The following ASCC2 variants were observed in gnomAD, a reference collection of about 807,000 sequenced individuals.
ASCC2 encodes ASC-1 complex subunit P100.
A neutral mutation model predicts 93.5 loss-of-function variants in ASCC2; 42 were observed. That is an observed-to-expected ratio of 0.45 (90% CI 0.35 to 0.58). The LOEUF (loss-of-function observed/expected upper bound fraction) is 0.58, where lower values mean the gene tolerates loss of function less well. Ranked by LOEUF, ASCC2 falls within the 20% of genes least tolerant of loss-of-function variation. The probability of loss-of-function intolerance (pLI) is 0.00; values close to 1 mark genes in which losing one functional copy is unlikely to be tolerated. For synonymous variants in ASCC2, 364 were observed against 384.2 expected (o/e 0.95, Z 0.62); for missense variants, 859 against 977.6 (o/e 0.88, Z 1.62).
At position 29,801,091 on chromosome 22, in the gene ASCC2, T is replaced by C; in HGVS notation, c.1588A>G (p.Thr530Ala). The change falls in exon 15 of 20, where the codon ACA (threonine) becomes GCA (alanine). Residue 530 changes from threonine to alanine, a missense_variant. Transcript: ENST00000307790. ...TTGTGGCGAGACGTCAGCAGGGGTG[T>C]AGGGTCTGGTTTCATTTCTCTGGGT... ...NLDREMKPDP[T>A]PLLTSRHNVF... 6.2e-6 allele frequency: 10 copies of C among 1,603,898 alleles called. No individual in the cohort carries two copies. The highest frequency in any genetic ancestry group is 8.5e-6 in the Non-Finnish European group (10 of 1,171,604).
At chr22:29,803,180 G>A (rs1418910528) in intron 13 of ASCC2, among the ~76,000 whole-genome samples, 1 of 151,256 alleles carries the variant, frequency 6.6e-6, no homozygotes, top group African/African-American at 2.4e-5. Context: ...GATCCCAGGA[G>A]GCAGAGGTTG....
At chr22:29,808,665 A>G (rs1304206644) in intron 8 of ASCC2, among the ~76,000 whole-genome samples, 1 of 152,028 alleles carries the variant, frequency 6.6e-6, no homozygotes, top group African/African-American at 2.4e-5. Context: ...TCTACAAAAA[A>G]TACAAAAATT....
intron 8 of ASCC2, among the ~76,000 whole-genome samples, chr22:29,812,261 G>A (rs1335957519): frequency 2.6e-5 from 4 of 152,172 alleles, no homozygotes; most frequent in East Asian, 1.9e-4. Context: ...GGGGAGAAAC[G>A]TCTTGCTAGA....
At chr22:29,815,946 T>C (rs1290191923) in intron 6 of ASCC2, 60 bp downstream of exon 6, 4 of 1,391,396 alleles carry the variant, frequency 2.9e-6, no homozygotes, top group South Asian at 1.2e-5. Flanking sequence ...CACCATTGAG[T>C]TGGGGAGGTG....
intron 17 of ASCC2, among the ~76,000 whole-genome samples, 165 bp downstream of exon 17, chr22:29,793,195 C>G (rs562118916): frequency 2.0e-5 from 3 of 152,314 alleles, no homozygotes; most frequent in African/African-American, 7.2e-5. Flanking sequence ...CGAATAAATG[C>G]TGCCCCATTC....
rs148338025 is a variant in ASCC2 at position 29,814,726 on chromosome 22, G to A, written c.651C>T (p.Asp217=). 5.2e-5 allele frequency: 83 copies of A among 1,608,706 alleles called. 1 individual carries two copies. The African/African-American group carries it at 6.2e-4, about 12-fold the overall frequency. ...GCTTCTGGGGTGTGGTATTGGCCCC[G>A]TCCCCTTGCAAACCACAGTGCTGGA... ...NILQHCGLQG[D]GANTTPQKLE... is the part of the protein sequence containing the mutation. The change falls in exon 7 of 20, where the codon GAC becomes GAT. Residue 217 remains aspartate, a synonymous_variant. Coordinates refer to ENST00000307790, the MANE Select transcript of ASCC2 (RefSeq NM_032204.5).
chr22:29,812,793 A>C (rs138191185), intron 8 of ASCC2, among the ~76,000 whole-genome samples: 4 of 151,738 alleles, frequency 2.6e-5, no homozygotes, highest in African/African-American at 7.3e-5. Context: ...TTCAAGGGTG[A>C]TCTCACAGCT....
intron 15 of ASCC2, among the ~76,000 whole-genome samples, chr22:29,795,762 C>T (rs902196011): frequency 9.2e-5 from 14 of 152,148 alleles, no homozygotes; most frequent in Non-Finnish European, 1.8e-4. Flanking sequence ...TCTCAACTCA[C>T]GGCTTTGCAA....
At chr22:29,808,327 T>C (rs1433417752) in intron 8 of ASCC2, 142 bp from the exon 9 acceptor site, 4 of 824,710 alleles carry the variant, frequency 4.9e-6, no homozygotes, top group Non-Finnish European at 7.7e-6. Flanking sequence ...GGTTCTTCCC[T>C]GAGCTCACCC....
At chr22:29,821,814 G>A (rs1415896461) in intron 5 of ASCC2, 4 of 349,578 alleles carry the variant, frequency 1.1e-5, no homozygotes, top group Admixed American at 3.9e-5. Flanking sequence ...GAACAACATA[G>A]TGAGACCCCA....
chr22:29,809,119 CT>C (rs1165488398), intron 8 of ASCC2, among the ~76,000 whole-genome samples: 6 of 93,188 alleles, frequency 6.4e-5, no homozygotes, highest in Admixed American at 1.1e-4. Context: ...GAGACTCTGT[CT>C]CAAAAAAAAA....
intron 13 of ASCC2, among the ~76,000 whole-genome samples, chr22:29,804,104 C>G (rs117609310): frequency 6.6e-6 from 1 of 152,224 alleles, no homozygotes; most frequent in African/African-American, 2.4e-5. Context: ...TATCATGCTG[C>G]CTCCCAACAT....
intron 17 of ASCC2, among the ~76,000 whole-genome samples, chr22:29,793,129 G>A (rs2057978157): frequency 6.6e-6 from 1 of 152,186 alleles, no homozygotes; most frequent in Non-Finnish European, 1.5e-5. Flanking sequence ...TCCAGCCTGG[G>A]CGACAGAGTG....
intron 8 of ASCC2, among the ~76,000 whole-genome samples, chr22:29,808,887 G>C (rs1023273846): frequency 6.6e-6 from 1 of 151,916 alleles, no homozygotes; most frequent in African/African-American, 2.4e-5. Context: ...GGGAGACCGA[G>C]ATGGGTGGAT....
At chr22:29,816,734 G>A (rs775849723) in intron 5 of ASCC2, 2 of 149,744 alleles carry the variant, frequency 1.3e-5, no homozygotes, top group Non-Finnish European at 3.0e-5. Flanking sequence ...GCGTAGGTTC[G>A]AGCATATGGT....
At chr22:29,799,487 G>A (rs2058823878) in intron 15 of ASCC2, among the ~76,000 whole-genome samples, 1 of 152,200 alleles carries the variant, frequency 6.6e-6, no homozygotes, top group Non-Finnish European at 1.5e-5. Context: ...CCCTAGGGAG[G>A]GGTAACAGCA....
Position 29,822,389 on chromosome 22 carries a change from C to G in ASCC2, c.487G>C (p.Asp163His). Reference sequence around the variant, plus strand: ...CCTTTTCCAAAGAGCACGCAGAGGTCCAGGATCTTTGGAATGTCAAAGAGG... The same window carrying G: ...CCTTTTCCAAAGAGCACGCAGAGGTGCAGGATCTTTGGAATGTCAAAGAGG... Reference protein sequence around the residue: ...NFLFDIPKILDLCVLFGKGNS... With the variant: ...NFLFDIPKILHLCVLFGKGNS... The change falls in exon 5 of 20, where the codon GAC (aspartate) becomes CAC (histidine). Residue 163 changes from aspartate (D) to histidine (H), a missense_variant. Transcript: ENST00000307790. 6.2e-7 allele frequency: 1 copy of G among 1,613,974 alleles called. No homozygotes were observed. Among genetic ancestry groups the G allele is most frequent in the Non-Finnish European group, 8.5e-7 (1 of 1,179,992 alleles).
In ASCC2 at chr22:29,792,544, G is replaced by A; in HGVS notation, c.1920-9C>T. ...GAGGGATGGTGAATGGCCTGAGGGT[G>A]TGGAGAGAAATGAGATCAAAGACGA... On this transcript the variant is annotated splice_polypyrimidine_tract_variant and intron_variant, in intron 17 of 19. Coordinates refer to ENST00000307790, the MANE Select transcript of ASCC2 (RefSeq NM_032204.5). 4.3e-6 allele frequency: 7 copies of A among 1,613,580 alleles called. No homozygotes were observed. Among genetic ancestry groups the A allele is most frequent in the Non-Finnish European group, 5.9e-6 (7 of 1,179,666 alleles).
At position 29,804,684 on chromosome 22, in the gene ASCC2, G is replaced by T. The variant is rs1346196946; in HGVS notation, c.1307C>A (p.Ala436Glu). The T allele has an allele frequency of 6.2e-7, 1 of 1,613,962 alleles. No individual in the cohort carries two copies. The highest frequency in any genetic ancestry group is 1.7e-5 in the Admixed American group (1 of 59,996). Residue 436 changes from alanine (A) to glutamate (E), a missense_variant, in exon 13 of 20, where the codon GCA (alanine) becomes GAA (glutamate). Ala to Glu is a moderately radical substitution (Grantham distance 107). Coordinates refer to ENST00000307790, the MANE Select transcript of ASCC2 (RefSeq NM_032204.5). ...EPNGVTVTAEAVSQASSHPEN... is the reference protein window; with the variant it reads ...EPNGVTVTAEEVSQASSHPEN... Reference sequence around the variant, plus strand: ...CGGATGTGATGATGCTTGACTGACTGCCTCTGCTGTCACCGTGACCCCGTT... The same window carrying T: ...CGGATGTGATGATGCTTGACTGACTTCCTCTGCTGTCACCGTGACCCCGTT...
Sources: gnomAD v4.1 joint callset for allele counts (sites outside exome capture counted in the v4.1 genomes callset) on GRCh38, gnomAD v4.1.1 for gene constraint, MANE v1.5 for transcripts, NCBI Gene and HGNC (gene_info 2026-07-23, HGNC 2026-07-21) for gene names.